Variants in AKAP10 observed in about 807,000 individuals in gnomAD.
AKAP10 encodes the protein A-kinase anchoring protein 10, also known as A-kinase anchor protein 10, mitochondrial.
AKAP10 carries 24 observed loss-of-function variants against 80.8 expected under a neutral mutation model. The ratio of observed to expected loss-of-function variants is 0.30; its 90% CI spans 0.22 to 0.42. AKAP10 has a LOEUF of 0.42. Among genes scored for constraint, AKAP10 ranks in the 10% least tolerant of loss-of-function variants. The pLI is 1.00. For synonymous variants in AKAP10, 291 were observed against 277.7 expected, an observed-to-expected ratio of 1.05 and a Z score of -0.48; for missense variants, 661 against 794.9, an observed-to-expected ratio of 0.83 and a Z score of 2.03.
chr17:19,937,760 C>A (rs1442990969), intron 8 of AKAP10, among the ~76,000 whole-genome samples: 2 of 152,164 alleles, frequency 1.3e-5, no homozygotes, highest in East Asian at 3.9e-4. Context: ...GAACTGCATT[C>A]CAGTCCAAAT....
intron 12 of AKAP10, among the ~76,000 whole-genome samples, chr17:19,915,185 CA>C (rs1429145508): frequency 2.0e-5 from 3 of 152,166 alleles, no homozygotes; most frequent in African/African-American, 7.2e-5. Context: ...GAGAGGCTTT[CA>C]AAAACACCAT....
intron 1 of AKAP10, among the ~76,000 whole-genome samples, chr17:19,971,689 ATTTAC>A (rs1018467371): frequency 2.6e-5 from 4 of 152,168 alleles, no homozygotes; most frequent in Admixed American, 6.5e-5. Context: ...GTTAATGAAC[ATTTAC>A]TTTATTTCCT....
chr17:19,958,662 C>A, intron 3 of AKAP10, 91 bp from the exon 4 acceptor site: 2 of 1,083,120 alleles, frequency 1.8e-6, no homozygotes, highest in Non-Finnish European at 2.6e-6. Context: ...CAACTGGTAC[C>A]AGAGACCTTG....
At chr17:19,960,366 G>A (rs891121904) in intron 3 of AKAP10, among the ~76,000 whole-genome samples, 1 of 152,094 alleles carries the variant, frequency 6.6e-6, no homozygotes, top group Non-Finnish European at 1.5e-5. Context: ...TCACCTCCCT[G>A]TCTCTAACAT....
intron 10 of AKAP10, among the ~76,000 whole-genome samples, chr17:19,926,486 T>A (rs2042876529): frequency 6.6e-6 from 1 of 152,094 alleles, no homozygotes; most frequent in Non-Finnish European, 1.5e-5. Flanking sequence ...AAAAACTATC[T>A]CTATCCATAA....
At chr17:19,958,842 CTTTTTTTTTTTT>C (rs772496178) in intron 3 of AKAP10, among the ~76,000 whole-genome samples, 2,591 of 93,034 alleles carry the variant, frequency 0.028, 90 homozygotes, top group African/African-American at 0.086. Flanking sequence ...CATGTAAATT[CTTTTTTTTTTTT>C]TTTTTTTTTT....
At position 19,963,017 on chromosome 17, in the gene AKAP10, T is replaced by C. The variant is rs1567775375; in HGVS notation, c.142A>G (p.Ile48Val). 6.2e-7 allele frequency: 1 copy of C among 1,601,232 alleles called. No homozygotes were observed. The highest frequency in any genetic ancestry group is 8.5e-7 in the Non-Finnish European group (1 of 1,170,642). The change falls in exon 3 of 15, where the codon ATA becomes GTA. Residue 48 changes from isoleucine to valine, a missense_variant. By Grantham distance (29) the Ile-to-Val change is conservative. Coordinates refer to ENST00000225737, the MANE Select transcript of AKAP10 (RefSeq NM_007202.4). ...TSDVKSIKAS[I>V]SVHSPQKSTK... ...CTTTTTTGTGGGGAATGTACGGATA[T>C]TGAAGCTATAATTTTTCAAAAAATT...
chr17:19,959,174 A>G (rs568771529), intron 3 of AKAP10, among the ~76,000 whole-genome samples: 2 of 152,196 alleles, frequency 1.3e-5, no homozygotes, highest in East Asian at 3.9e-4. Flanking sequence ...AATTCTTAAG[A>G]AAAAAAACTT....
chr17:19,951,915 A>T (rs987464156), intron 4 of AKAP10, among the ~76,000 whole-genome samples: 12 of 111,902 alleles, frequency 1.1e-4, no homozygotes, highest in South Asian at 5.4e-4. Flanking sequence ...AATAAGAATT[A>T]AAAAAAAAAA....
intron 12 of AKAP10, among the ~76,000 whole-genome samples, chr17:19,919,742 AAGTCCAACTT>A (rs1243861039): frequency 6.6e-6 from 1 of 152,166 alleles, no homozygotes; most frequent in African/African-American, 2.4e-5. Context: ...CTCAAACATT[AAGTCCAACTT>A]AGGTCGGGTA....
At chr17:19,946,255 ATATATATATATATATATATATTTT>A (rs2043120568) in intron 5 of AKAP10, among the ~76,000 whole-genome samples, 4 of 21,364 alleles carry the variant, frequency 1.9e-4, no homozygotes, top group Non-Finnish European at 2.5e-4. Flanking sequence ...ATATATATAT[ATATATATATATATATATATATTTT>A]TTTTTTTTTT....
intron 4 of AKAP10, among the ~76,000 whole-genome samples, chr17:19,957,730 T>C (rs1421669765): frequency 2.6e-5 from 4 of 152,212 alleles, no homozygotes; most frequent in African/African-American, 9.6e-5. Flanking sequence ...TAAGGCTATG[T>C]GGATAATGGT....
At chr17:19,950,847 C>A (rs2152416452) in intron 4 of AKAP10, among the ~76,000 whole-genome samples, 1 of 151,984 alleles carries the variant, frequency 6.6e-6, no homozygotes, top group Non-Finnish European at 1.5e-5. Context: ...CGGCTGCCAT[C>A]CCGTCTAGGA....
In AKAP10 at chr17:19,953,459, C is replaced by A. The variant is rs555553600; in HGVS notation, c.877+4555G>T. Among the ~76,000 whole-genome samples the A allele has an allele frequency of 3.3e-5, 5 of 151,576 alleles. No homozygotes were observed. In the East Asian group the frequency reaches 7.8e-4, roughly 24 times the overall value. On this transcript the variant is annotated intron_variant, in intron 4 of 14. Coordinates refer to ENST00000225737, the MANE Select transcript of AKAP10 (RefSeq NM_007202.4). Reference sequence around the variant, plus strand: ...AAACAAAACAACAGAAAAATCAAAACAAAAGCTAGTTCTTTGAAAAGACTA... The same window carrying A: ...AAACAAAACAACAGAAAAATCAAAAAAAAAGCTAGTTCTTTGAAAAGACTA...
Position 19,909,991 on chromosome 17 carries a change from G to T in AKAP10, c.1835-13C>A, listed in dbSNP as rs2042671633. 1.2e-6 allele frequency: 2 copies of T among 1,611,834 alleles called. No homozygotes were observed. Among genetic ancestry groups the T allele is most frequent in the Non-Finnish European group, 1.7e-6 (2 of 1,178,836 alleles). ...GAGAACATGGATCCTAGTAAACAAAGACAAAATTGAATGTACATTTCATGC... is the reference window on the plus strand; with the variant it reads ...GAGAACATGGATCCTAGTAAACAAATACAAAATTGAATGTACATTTCATGC... On this transcript the variant is annotated splice_polypyrimidine_tract_variant and intron_variant, in intron 12 of 14. Transcript: ENST00000225737.
At chr17:19,954,950 T>C (rs1370056180) in intron 4 of AKAP10, among the ~76,000 whole-genome samples, 2 of 151,532 alleles carry the variant, frequency 1.3e-5, no homozygotes, top group East Asian at 1.9e-4. Flanking sequence ...TTGGGCACAG[T>C]GGCTCACGCC....
chr17:19,958,713 C>A (rs2043312187), intron 3 of AKAP10, 142 bp from the exon 4 acceptor site: 1 of 665,250 alleles, frequency 1.5e-6, no homozygotes, highest in South Asian at 2.5e-5. Flanking sequence ...AATAAAAAAA[C>A]TACAAATACT....
chr17:19,941,033 A>G, intron 6 of AKAP10, 23 bp from the exon 7 acceptor site: 1 of 1,586,620 alleles, frequency 6.3e-7, no homozygotes, highest in Non-Finnish European at 8.5e-7. Context: ...AAAAGGGAAA[A>G]TTTGAGGGAA....
chr17:19,922,401 A>G (rs945872993), intron 11 of AKAP10, among the ~76,000 whole-genome samples: 2 of 152,130 alleles, frequency 1.3e-5, no homozygotes, highest in African/African-American at 4.8e-5. Flanking sequence ...AAACTAAAAC[A>G]TATATTAAAA....
Sources: gnomAD v4.1 joint callset for allele counts (sites outside exome capture counted in the v4.1 genomes callset) on GRCh38, gnomAD v4.1.1 for gene constraint, MANE v1.5 for transcripts, NCBI Gene and HGNC (gene_info 2026-07-23, HGNC 2026-07-21) for gene names.